Variants in CAMK2B observed in about 807,000 individuals in gnomAD.
CAMK2B encodes the protein calcium/calmodulin dependent protein kinase II beta.
In CAMK2B, 27 loss-of-function variants were observed where a neutral mutation model predicts 93.7. The ratio of observed to expected loss-of-function variants is 0.29; its 90% CI spans 0.21 to 0.40. The LOEUF is 0.40. CAMK2B is among the 10% of genes least tolerant of loss of function. The probability of loss-of-function intolerance (pLI) is 1.00; values close to 1 mark genes in which losing one functional copy is unlikely to be tolerated. For missense variants in CAMK2B, 568 were observed against 895.8 expected (o/e 0.63, Z 4.67); for synonymous variants, 374 against 358.8 (o/e 1.04, Z -0.48).
intron 2 of CAMK2B, among the ~76,000 whole-genome samples, chr7:44,265,872 C>T (rs746659705): frequency 6.6e-6 from 1 of 152,044 alleles, no homozygotes; most frequent in African/African-American, 2.4e-5. Flanking sequence ...GCTCAGAGAG[C>T]CGCTTGGAAA....
chr7:44,289,687 C>T (rs1438527451), intron 1 of CAMK2B, among the ~76,000 whole-genome samples: 3 of 152,218 alleles, frequency 2.0e-5, no homozygotes, highest in African/African-American at 7.2e-5. Flanking sequence ...ACACAGTATC[C>T]GGCATCCAGA....
At chr7:44,320,615 T>G (rs1003037972) in intron 1 of CAMK2B, among the ~76,000 whole-genome samples, 3 of 152,260 alleles carry the variant, frequency 2.0e-5, no homozygotes, top group African/African-American at 7.2e-5. Flanking sequence ...TGCAGATATA[T>G]TCTTAGCTCT....
chr7:44,287,029 T>C (rs1293423397), intron 1 of CAMK2B, among the ~76,000 whole-genome samples: 1 of 152,076 alleles, frequency 6.6e-6, no homozygotes, highest in Non-Finnish European at 1.5e-5. Flanking sequence ...GGCCTGCAGG[T>C]AGGGTGGAGG....
At chr7:44,305,109 T>C (rs1160028748) in intron 1 of CAMK2B, among the ~76,000 whole-genome samples, 1 of 152,132 alleles carries the variant, frequency 6.6e-6, no homozygotes, top group African/African-American at 2.4e-5. Context: ...TTTCAGGGAC[T>C]CTAAAGTCTT....
chr7:44,234,862 G>A (rs2096611159), intron 13 of CAMK2B, among the ~76,000 whole-genome samples, 186 bp from the exon 14 acceptor site: 1 of 152,192 alleles, frequency 6.6e-6, no homozygotes, highest in Non-Finnish European at 1.5e-5. Flanking sequence ...CCCCAGGACA[G>A]CCCTGTCTCC....
intron 1 of CAMK2B, among the ~76,000 whole-genome samples, chr7:44,313,072 T>C (rs1178452936): frequency 6.6e-6 from 1 of 152,074 alleles, no homozygotes; most frequent in Non-Finnish European, 1.5e-5. Flanking sequence ...GCAGCGGCCT[T>C]GTGACCACCA....
chr7:44,235,454 A>T (rs1168392963), intron 13 of CAMK2B, among the ~76,000 whole-genome samples: 1 of 152,240 alleles, frequency 6.6e-6, no homozygotes, highest in Non-Finnish European at 1.5e-5. Context: ...CCCGGTGCCC[A>T]CACCCTCCAT....
At chr7:44,264,482 C>T (rs374250683) in intron 2 of CAMK2B, among the ~76,000 whole-genome samples, 9 of 152,172 alleles carry the variant, frequency 5.9e-5, no homozygotes, top group African/African-American at 4.8e-5. Flanking sequence ...GACAGGCATT[C>T]GTCTCCCTGC....
intron 1 of CAMK2B, among the ~76,000 whole-genome samples, chr7:44,313,587 C>T (rs2116289810): frequency 6.6e-6 from 1 of 151,430 alleles, no homozygotes. Context: ...CTAGTCACAG[C>T]GGAACCCTCA....
At chr7:44,310,883 A>G (rs1015250944) in intron 1 of CAMK2B, among the ~76,000 whole-genome samples, 3 of 152,198 alleles carry the variant, frequency 2.0e-5, no homozygotes, top group Non-Finnish European at 4.4e-5. Flanking sequence ...TTGCACAACA[A>G]TGTAAATACA....
At chr7:44,256,258 C>T (rs1452317160) in intron 4 of CAMK2B, among the ~76,000 whole-genome samples, 2 of 152,214 alleles carry the variant, frequency 1.3e-5, no homozygotes, top group East Asian at 1.9e-4. Flanking sequence ...TTGGCCTGTC[C>T]GTGTGAGGGT....
At chr7:44,302,954 G>C (rs1339651116) in intron 1 of CAMK2B, among the ~76,000 whole-genome samples, 1 of 152,114 alleles carries the variant, frequency 6.6e-6, no homozygotes, top group Non-Finnish European at 1.5e-5. Flanking sequence ...TATTGGAAAG[G>C]AAGAAATAAA....
chr7:44,247,185 T>C lies in CAMK2B; in HGVS notation c.349A>G (p.Ile117Val). 1 of 1,613,990 alleles carries C rather than the reference T, an allele frequency of 6.2e-7. No homozygotes were observed. Among genetic ancestry groups the C allele is most frequent in the Non-Finnish European group, 8.5e-7 (1 of 1,179,936 alleles). The change falls in exon 6 of 24, where the codon ATC becomes GTC. Residue 117 changes from isoleucine (I) to valine (V), a missense_variant. Around this residue, in one of 4 missense-constraint regions of CAMK2B, gnomAD observed 105 missense variants for 372.4 expected, o/e 0.28. Coordinates refer to ENST00000395749, the MANE Select transcript of CAMK2B (RefSeq NM_001220.5). ...YYSEADASHC[I>V]QQILEAVLHC... ...AGAACGGCCTCCAGGATCTGCTGGATACAGTGACTGTGGCAAACAGCAGGT... is the reference window on the plus strand; with the variant it reads ...AGAACGGCCTCCAGGATCTGCTGGACACAGTGACTGTGGCAAACAGCAGGT...
At chr7:44,230,736 C>T (rs1450165633) in intron 17 of CAMK2B, among the ~76,000 whole-genome samples, 1 of 152,216 alleles carries the variant, frequency 6.6e-6, no homozygotes, top group African/African-American at 2.4e-5. Flanking sequence ...GTGTGGAGAA[C>T]CTGCCTCCAT....
chr7:44,295,589 C>A (rs1022725531), intron 1 of CAMK2B, among the ~76,000 whole-genome samples: 1 of 152,224 alleles, frequency 6.6e-6, no homozygotes, highest in African/African-American at 2.4e-5. Flanking sequence ...GCCTTAGCAG[C>A]GTGCACCCAC....
intron 1 of CAMK2B, among the ~76,000 whole-genome samples, chr7:44,284,867 A>G (rs1396007165): frequency 6.6e-6 from 1 of 152,010 alleles, no homozygotes; most frequent in Non-Finnish European, 1.5e-5. Context: ...CGCAGAGGCC[A>G]TGGAGGCCCA....
intron 4 of CAMK2B, among the ~76,000 whole-genome samples, chr7:44,257,883 C>T (rs1048600973): frequency 9.9e-5 from 15 of 152,220 alleles, no homozygotes; most frequent in African/African-American, 3.4e-4. Flanking sequence ...CCCACGCAGG[C>T]GTGTCCTGTC....
At chr7:44,243,575 G>C (rs376322177) in intron 6 of CAMK2B, 48 bp from the exon 7 acceptor site, 20 of 1,484,320 alleles carry the variant, frequency 1.3e-5, no homozygotes, top group Non-Finnish European at 1.9e-5. Flanking sequence ...TAAACCCAGA[G>C]GTGTTATGTG....
At chr7:44,265,504 G>T (rs1466443837) in intron 2 of CAMK2B, among the ~76,000 whole-genome samples, 2 of 152,230 alleles carry the variant, frequency 1.3e-5, no homozygotes, top group Non-Finnish European at 2.9e-5. Context: ...ACCAGGGCAC[G>T]TAGTTTCCTT....
Sources: gnomAD v4.1 joint callset for allele counts (sites outside exome capture counted in the v4.1 genomes callset) on GRCh38, gnomAD v4.1.1 for gene constraint, gnomAD v4.1.1 regional missense constraint, MANE v1.5 for transcripts, NCBI Gene and HGNC (gene_info 2026-07-23, HGNC 2026-07-21) for gene names.